Variants in MAPKAP1 observed in about 807,000 individuals in gnomAD.
MAPKAP1 encodes the protein MAPK associated protein 1.
MAPKAP1 carries 20 observed loss-of-function variants against 65.7 expected under a neutral mutation model. That is an observed-to-expected ratio of 0.30 (90% CI 0.21 to 0.44). The LOEUF is 0.44. Ranked by LOEUF, MAPKAP1 falls within the 20% of genes least tolerant of loss-of-function variation. MAPKAP1 has a pLI of 1.00. For synonymous variants in MAPKAP1, 222 were observed against 244.3 expected, an observed-to-expected ratio of 0.91 and a Z score of 0.85; for missense variants, 423 against 648.0, an observed-to-expected ratio of 0.65 and a Z score of 3.77.
At chr9:125,571,221 T>C (rs1401039330) in intron 5 of MAPKAP1, among the ~76,000 whole-genome samples, 2 of 152,252 alleles carry the variant, frequency 1.3e-5, no homozygotes, top group Non-Finnish European at 2.9e-5. Flanking sequence ...TTAATCATTA[T>C]AATTGTTATG....
chr9:125,560,281 T>C (rs775745372), intron 5 of MAPKAP1, among the ~76,000 whole-genome samples: 7 of 152,284 alleles, frequency 4.6e-5, no homozygotes, highest in Non-Finnish European at 7.4e-5. Context: ...CTTTGATTTA[T>C]GGTTAGGATT....
chr9:125,573,747 T>A (rs780817072), intron 5 of MAPKAP1, among the ~76,000 whole-genome samples: 6 of 152,118 alleles, frequency 3.9e-5, no homozygotes, highest in Non-Finnish European at 5.9e-5. Context: ...CCTCCAGCAA[T>A]AAGGTGGCTG....
At chr9:125,455,578 T>C (rs1853133016) in intron 10 of MAPKAP1, among the ~76,000 whole-genome samples, 1 of 152,130 alleles carries the variant, frequency 6.6e-6, no homozygotes, top group Admixed American at 6.5e-5. Flanking sequence ...AATACAGATC[T>C]ATTAATAAGA....
intron 4 of MAPKAP1, among the ~76,000 whole-genome samples, chr9:125,638,548 T>C (rs1242730586): frequency 6.6e-6 from 1 of 152,212 alleles, no homozygotes; most frequent in Non-Finnish European, 1.5e-5. Context: ...AAATACACTT[T>C]AATATTTTTC....
At chr9:125,577,856 G>A (rs1166197701) in intron 5 of MAPKAP1, among the ~76,000 whole-genome samples, 1 of 150,942 alleles carries the variant, frequency 6.6e-6, no homozygotes, top group Non-Finnish European at 1.5e-5. Context: ...GGGAGCTGAG[G>A]GGCGCCTCTG....
chr9:125,604,062 A>C (rs1247153074), intron 4 of MAPKAP1, among the ~76,000 whole-genome samples: 1 of 152,202 alleles, frequency 6.6e-6, no homozygotes, highest in Non-Finnish European at 1.5e-5. Context: ...GCTTCCCTAA[A>C]AGGCTCTGAT....
intron 4 of MAPKAP1, among the ~76,000 whole-genome samples, chr9:125,642,399 A>C (rs895139846): frequency 6.6e-6 from 1 of 152,158 alleles, no homozygotes; most frequent in Non-Finnish European, 1.5e-5. Context: ...ACATGACTAA[A>C]GGCTATGGGC....
chr9:125,692,021 G>A (rs1195267964), intron 1 of MAPKAP1, among the ~76,000 whole-genome samples: 1 of 152,220 alleles, frequency 6.6e-6, no homozygotes, highest in Non-Finnish European at 1.5e-5. Context: ...AGAACCTGAG[G>A]AGAATAGAAG....
At chr9:125,467,494 C>G (rs1365597114) in intron 10 of MAPKAP1, among the ~76,000 whole-genome samples, 2 of 152,198 alleles carry the variant, frequency 1.3e-5, no homozygotes, top group Non-Finnish European at 2.9e-5. Context: ...TGCCAATAAT[C>G]TAGGGGGTGC....
At chr9:125,622,213 G>GCAGCACTGTAGGGTAA (rs1371771997) in intron 4 of MAPKAP1, among the ~76,000 whole-genome samples, 1 of 152,048 alleles carries the variant, frequency 6.6e-6, no homozygotes, top group Non-Finnish European at 1.5e-5. Context: ...CTGGTGTTCT[G>GCAGCACTGTAGGGTAA]CAGCACTGTA....
chr9:125,693,830 C>CAT (rs1216463261), intron 1 of MAPKAP1, among the ~76,000 whole-genome samples: 8 of 100,344 alleles, frequency 8.0e-5, no homozygotes, highest in East Asian at 7.6e-4. Flanking sequence ...CACACACACA[C>CAT]ATATATATAC....
chr9:125,638,869 G>A (rs144615768), intron 4 of MAPKAP1, among the ~76,000 whole-genome samples: 1 of 152,172 alleles, frequency 6.6e-6, no homozygotes, highest in Admixed American at 6.5e-5. Context: ...CCACCTTTGG[G>A]GCCAACCCCT....
At chr9:125,635,221 C>T (rs914268076) in intron 4 of MAPKAP1, among the ~76,000 whole-genome samples, 3 of 152,194 alleles carry the variant, frequency 2.0e-5, no homozygotes, top group African/African-American at 7.2e-5. Context: ...TGCTCTTAAA[C>T]GTCTACACCA....
intron 4 of MAPKAP1, among the ~76,000 whole-genome samples, chr9:125,654,125 G>T (rs683590): frequency 0.89 from 135,939 of 152,182 alleles, 61,548 homozygotes; most frequent in East Asian, 1. Flanking sequence ...TTTGAGGCAC[G>T]TAAATTAGTG....
At chr9:125,487,616 A>T (rs1159312076) in intron 8 of MAPKAP1, among the ~76,000 whole-genome samples, 1 of 38,468 alleles carries the variant, frequency 2.6e-5, no homozygotes, top group South Asian at 6.1e-4. Context: ...GCCAATTACT[A>T]AAAAAAAAAA....
intron 5 of MAPKAP1, chr9:125,573,101 G>T (rs1379875021): frequency 1.3e-4 from 1 of 7,926 alleles, no homozygotes; most frequent in Non-Finnish European, 9.4e-3. Context: ...TATAAAAGGG[G>T]GGGGGGGGGG....
At chr9:125,525,982 G>T (rs780502466) in intron 7 of MAPKAP1, among the ~76,000 whole-genome samples, 55 of 152,218 alleles carry the variant, frequency 3.6e-4, no homozygotes, top group Non-Finnish European at 6.5e-4. Context: ...ATGCACTGAC[G>T]TAGGCGTTCA....
chr9:125,590,205 G>GT (rs767192189), intron 4 of MAPKAP1, among the ~76,000 whole-genome samples: 2 of 152,208 alleles, frequency 1.3e-5, no homozygotes, highest in Non-Finnish European at 2.9e-5. Context: ...TTCATAAACT[G>GT]TAAGATGCTT....
At chr9:125,610,112 A>G (rs1447277317) in intron 4 of MAPKAP1, among the ~76,000 whole-genome samples, 2 of 152,244 alleles carry the variant, frequency 1.3e-5, no homozygotes, top group Non-Finnish European at 2.9e-5. Context: ...TTCTTATTTG[A>G]AAAAACATCT....
Sources: gnomAD v4.1 joint callset for allele counts (sites outside exome capture counted in the v4.1 genomes callset) on GRCh38, gnomAD v4.1.1 for gene constraint, MANE v1.5 for transcripts, NCBI Gene and HGNC (gene_info 2026-07-23, HGNC 2026-07-21) for gene names.